SEMA6D: variants seen among roughly 807,000 people sequenced by gnomAD.
The protein encoded by SEMA6D is semaphorin-6D.
In SEMA6D, 35 loss-of-function variants were observed where a neutral mutation model predicts 106.6. The ratio of observed to expected loss-of-function variants is 0.33; its 90% CI spans 0.25 to 0.44. SEMA6D has a LOEUF of 0.44. Ranked by LOEUF, SEMA6D falls within the 20% of genes least tolerant of loss-of-function variation. The pLI is 1.00. For missense variants in SEMA6D, 1,185 were observed against 1,345.9 expected (o/e 0.88, Z 1.87); for synonymous variants, 499 against 487.7 (o/e 1.02, Z -0.31).
Position 47,326,598 on chromosome 15 carries a change from C to T in SEMA6D, c.-238-85795C>T, listed in dbSNP as rs558941775. Among the ~76,000 whole-genome samples the T allele has an allele frequency of 1.0e-3, 158 of 151,836 alleles. 1 individual carries two copies. The highest frequency in any genetic ancestry group is 2.5e-3 in the Admixed American group (38 of 15,282). ...CTGAGTTGTTTACAAGCAATGTTGCCGTGCGAACCTTGAAAATAGCTCTGA... is the reference window on the plus strand; with the variant it reads ...CTGAGTTGTTTACAAGCAATGTTGCTGTGCGAACCTTGAAAATAGCTCTGA... On this transcript the variant is annotated intron_variant, in intron 1 of 19. Transcript: ENST00000558014.
intron 1 of SEMA6D, among the ~76,000 whole-genome samples, chr15:47,260,718 G>T (rs1169330227): frequency 6.6e-6 from 1 of 152,090 alleles, no homozygotes; most frequent in Non-Finnish European, 1.5e-5. Flanking sequence ...GTTGGTGATT[G>T]TCCTGGTATT....
upstream of SEMA6D, among the ~76,000 whole-genome samples, chr15:47,716,226 C>A (rs1201354348): frequency 6.6e-6 from 1 of 152,202 alleles, no homozygotes; most frequent in African/African-American, 2.4e-5. Context: ...TCATCCTTCT[C>A]TCCCCTTCTT....
intron 3 of SEMA6D, among the ~76,000 whole-genome samples, chr15:47,517,592 G>A (rs1038262989): frequency 6.6e-6 from 1 of 152,070 alleles, no homozygotes; most frequent in Non-Finnish European, 1.5e-5. Context: ...TGGTCGTGTT[G>A]TTGCTTATTT....
intron 1 of SEMA6D, among the ~76,000 whole-genome samples, chr15:47,736,739 A>G (rs2080468338): frequency 6.6e-6 from 1 of 152,228 alleles, no homozygotes; most frequent in Non-Finnish European, 1.5e-5. Context: ...GGAAGATCTT[A>G]AATACCAGTA....
intron 1 of SEMA6D, among the ~76,000 whole-genome samples, chr15:47,350,603 CAA>C (rs2038285398): frequency 6.6e-6 from 1 of 152,086 alleles, no homozygotes; most frequent in African/African-American, 2.4e-5. Flanking sequence ...GCGGAGGAGA[CAA>C]AAATCCAGAT....
chr15:47,523,311 C>T (rs1460349882), intron 3 of SEMA6D, among the ~76,000 whole-genome samples: 1 of 152,116 alleles, frequency 6.6e-6, no homozygotes, highest in Non-Finnish European at 1.5e-5. Flanking sequence ...GAGGAACCTG[C>T]TGAGAAAGCA....
intron 1 of SEMA6D, among the ~76,000 whole-genome samples, chr15:47,199,743 C>G (rs1268658269): frequency 6.6e-6 from 1 of 152,096 alleles, no homozygotes; most frequent in Non-Finnish European, 1.5e-5. Flanking sequence ...CTCCTCTCTC[C>G]TGCCTTCTCA....
chr15:47,615,746 A>G (rs143099896), intron 4 of SEMA6D, among the ~76,000 whole-genome samples: 2 of 152,348 alleles, frequency 1.3e-5, no homozygotes, highest in East Asian at 1.9e-4. Context: ...AGGAAATTCT[A>G]TTTTATTTGA....
At chr15:47,576,969 C>G (rs527564425) in intron 3 of SEMA6D, among the ~76,000 whole-genome samples, 28 of 152,324 alleles carry the variant, frequency 1.8e-4, no homozygotes, top group African/African-American at 6.7e-4. Context: ...CTTATGCACA[C>G]ATGGAATGCT....
chr15:47,234,500 C>A (rs1271874410), intron 1 of SEMA6D, among the ~76,000 whole-genome samples: 4 of 151,894 alleles, frequency 2.6e-5, no homozygotes, highest in Admixed American at 2.6e-4. Flanking sequence ...TCCTCTTTCA[C>A]CCTTCCCCTT....
At chr15:47,466,566 C>T (rs1259956507) in intron 2 of SEMA6D, among the ~76,000 whole-genome samples, 2 of 152,186 alleles carry the variant, frequency 1.3e-5, no homozygotes, top group East Asian at 3.9e-4. Flanking sequence ...TCCTGGTGAA[C>T]ACTTATGTTG....
intron 3 of SEMA6D, among the ~76,000 whole-genome samples, chr15:47,487,416 G>A (rs1238732272): frequency 2.0e-5 from 3 of 152,046 alleles, no homozygotes; most frequent in African/African-American, 7.2e-5. Flanking sequence ...TATAATACAT[G>A]TACATGTATA....
At chr15:47,451,870 G>A (rs936113582) in intron 2 of SEMA6D, among the ~76,000 whole-genome samples, 2 of 151,926 alleles carry the variant, frequency 1.3e-5, no homozygotes, top group African/African-American at 4.8e-5. Flanking sequence ...TGATTTTAGT[G>A]GACATTGAAT....
At chr15:47,601,708 G>C (rs1194121622) in intron 4 of SEMA6D, among the ~76,000 whole-genome samples, 2 of 152,148 alleles carry the variant, frequency 1.3e-5, no homozygotes, top group African/African-American at 4.8e-5. Flanking sequence ...GAGAGGCTGG[G>C]CTTCCAATTG....
intron 2 of SEMA6D, among the ~76,000 whole-genome samples, chr15:47,440,316 A>ATGATG (rs1555440110): frequency 1.1e-4 from 16 of 151,662 alleles, no homozygotes; most frequent in Admixed American, 3.3e-4. Flanking sequence ...GCCAAACAAA[A>ATGATG]TGACAGTGGG....
intron 1 of SEMA6D, among the ~76,000 whole-genome samples, chr15:47,387,163 C>T (rs998520597): frequency 1.3e-4 from 20 of 152,150 alleles, no homozygotes; most frequent in African/African-American, 4.8e-4. Context: ...TGAAGAGTAA[C>T]CCAGAAAGGG....
intron 1 of SEMA6D, among the ~76,000 whole-genome samples, chr15:47,308,527 T>C (rs1010013862): frequency 6.6e-6 from 1 of 152,182 alleles, no homozygotes; most frequent in African/African-American, 2.4e-5. Context: ...AAAATCCCCT[T>C]GAAATCTTCA....
chr15:47,707,434 TA>T (rs1349342989), intron 4 of SEMA6D, among the ~76,000 whole-genome samples: 5 of 152,216 alleles, frequency 3.3e-5, no homozygotes, highest in African/African-American at 4.8e-5. Context: ...GCATTTTCTG[TA>T]AAAGTGTCAG....
At chr15:47,435,263 C>A (rs1313353308) in intron 2 of SEMA6D, among the ~76,000 whole-genome samples, 2 of 152,014 alleles carry the variant, frequency 1.3e-5, no homozygotes, top group Admixed American at 1.3e-4. Flanking sequence ...TGTGAGGTTG[C>A]TATTGTAAAA....
Sources: gnomAD v4.1 joint callset for allele counts (sites outside exome capture counted in the v4.1 genomes callset) on GRCh38, gnomAD v4.1.1 for gene constraint, MANE v1.5 for transcripts, NCBI Gene and HGNC (gene_info 2026-07-23, HGNC 2026-07-21) for gene names.